SEL1L3: variants seen among roughly 807,000 people sequenced by gnomAD.
SEL1L3 encodes protein sel-1 homolog 3.
In SEL1L3, 76 loss-of-function variants were observed where a neutral mutation model predicts 142.8. That is an observed-to-expected ratio of 0.53 (90% CI 0.44 to 0.64). The LOEUF (loss-of-function observed/expected upper bound fraction) is 0.64, where lower values mean the gene tolerates loss of function less well. SEL1L3 is among the 30% of genes least tolerant of loss of function. The pLI is 0.00. For synonymous variants in SEL1L3, 504 were observed against 519.6 expected (o/e 0.97, Z 0.41); for missense variants, 1,262 against 1,381.7 (o/e 0.91, Z 1.37).
rs752108611 is a variant in SEL1L3, at chr4:25,748,396, C to T, written c.*29G>A. Reference sequence around the variant, plus strand: ...ATACCAGCTGTTGAAAAGATTCTCTCTCATCTGGAGAGAACTGGAGTGCAC... The same window carrying T: ...ATACCAGCTGTTGAAAAGATTCTCTTTCATCTGGAGAGAACTGGAGTGCAC... On this transcript the variant is annotated 3_prime_UTR_variant, in exon 24 of 24. Transcript: ENST00000399878. 1 of 1,585,008 alleles carries T rather than the reference C, an allele frequency of 6.3e-7. No homozygotes were observed. Among genetic ancestry groups the T allele is most frequent in the Non-Finnish European group, 8.6e-7 (1 of 1,164,756 alleles).
chr4:25,747,085 G>A (rs893073231), downstream of SEL1L3, among the ~76,000 whole-genome samples: 18 of 152,212 alleles, frequency 1.2e-4, no homozygotes, highest in African/African-American at 3.9e-4. Context: ...TTTGCAAATA[G>A]GAGGGACAAC....
chr4:25,861,961 AG>A (rs1450893440), intron 1 of SEL1L3: 1 of 152,260 alleles, frequency 6.6e-6, no homozygotes, highest in Non-Finnish European at 1.5e-5. Context: ...TGACTAAAAC[AG>A]AAGCCAAGAA....
chr4:25,856,372 C>T (rs770366457), intron 1 of SEL1L3, among the ~76,000 whole-genome samples: 1 of 152,064 alleles, frequency 6.6e-6, no homozygotes, highest in Non-Finnish European at 1.5e-5. Flanking sequence ...ATCTGTGCCC[C>T]TCAAATTATG....
At chr4:25,756,187 T>C (rs1157018735) in intron 23 of SEL1L3, 1 of 985,438 alleles carries the variant, frequency 1.0e-6, no homozygotes, top group Non-Finnish European at 1.2e-6. Flanking sequence ...ATCTACCCAT[T>C]TGTAAATGTC....
Position 25,758,967 on chromosome 4 carries a change from G to A in SEL1L3, c.3057C>T (p.Ile1019=), listed in dbSNP as rs781470034. ...EIDSTLHSNN[I]SILQELYERC... ...TTTCGTACAGTTCCTGGAGAATGGAGATGTTATTAGAATGGAGAGTTGAGT... is the reference window on the plus strand; with the variant it reads ...TTTCGTACAGTTCCTGGAGAATGGAAATGTTATTAGAATGGAGAGTTGAGT... Residue 1019 remains isoleucine (I), a synonymous_variant, in exon 21 of 24, where the codon ATC becomes ATT. Transcript: ENST00000399878. 1.4e-5 allele frequency: 22 copies of A among 1,613,750 alleles called. No homozygotes were observed. The highest frequency in any genetic ancestry group is 1.7e-5 in the Non-Finnish European group (20 of 1,179,804).
chr4:25,862,578 C>T, intron 1 of SEL1L3, 97 bp downstream of exon 1: 2 of 554,320 alleles, frequency 3.6e-6, no homozygotes, highest in Non-Finnish European at 5.2e-6. Flanking sequence ...CTAGCAGCGG[C>T]GTCCCCGCCC....
At chr4:25,802,223 A>G in intron 11 of SEL1L3, 60 bp downstream of exon 11, 2 of 1,480,752 alleles carry the variant, frequency 1.4e-6, no homozygotes, top group South Asian at 1.3e-5. Flanking sequence ...AGGGGCAGAC[A>G]CTTCATGAAA....
the SEL1L3 span, chr4:25,718,562 T>C: frequency 6.6e-6 from 1 of 152,172 alleles, no homozygotes; most frequent in Non-Finnish European, 1.5e-5. Flanking sequence ...TAATAACAAG[T>C]GCTATGTGGC....
intron 11 of SEL1L3, among the ~76,000 whole-genome samples, chr4:25,795,739 G>A (rs1041126522): frequency 3.3e-5 from 5 of 152,202 alleles, no homozygotes; most frequent in African/African-American, 1.2e-4. Context: ...TAGTTCTGGG[G>A]TCACTACAAT....
intron 20 of SEL1L3, among the ~76,000 whole-genome samples, chr4:25,764,036 A>G (rs1033190083): frequency 1.3e-5 from 2 of 152,240 alleles, no homozygotes; most frequent in Non-Finnish European, 2.9e-5. Context: ...TAGCAAATGT[A>G]GAAGGAATAA....
chr4:25,745,910 T>C (rs574838786), downstream of SEL1L3, among the ~76,000 whole-genome samples: 1 of 152,356 alleles, frequency 6.6e-6, no homozygotes, highest in Non-Finnish European at 1.5e-5. Context: ...GTGTTTGCCA[T>C]GGAGAGAGGA....
chr4:25,818,137 C>T lies in SEL1L3; in HGVS notation c.1564+1G>A, dbSNP rs776892573. Reference sequence around the variant, plus strand: ...TAAAGCCGAGGCAAAGACTCAATTACCGGTCAGCAGATCCATCTCCAGCAA... The same window carrying T: ...TAAAGCCGAGGCAAAGACTCAATTATCGGTCAGCAGATCCATCTCCAGCAA... On this transcript the variant is annotated splice_donor_variant, in intron 9 of 23. Coordinates refer to ENST00000399878, the MANE Select transcript of SEL1L3 (RefSeq NM_015187.5). LOFTEE classifies it high-confidence loss of function. 6.2e-6 allele frequency: 10 copies of T among 1,610,882 alleles called. No homozygotes were observed. The highest frequency in any genetic ancestry group is 1.3e-5 in the African/African-American group (1 of 74,988).
At chr4:25,793,025 A>C (rs1326713559) in intron 11 of SEL1L3, among the ~76,000 whole-genome samples, 1 of 152,196 alleles carries the variant, frequency 6.6e-6, no homozygotes, top group Non-Finnish European at 1.5e-5. Context: ...GCACTGTCCT[A>C]ATTGTTTTGC....
intron 15 of SEL1L3, 84 bp from the exon 16 acceptor site, chr4:25,779,287 G>GTAATC: frequency 9.5e-6 from 14 of 1,480,894 alleles, no homozygotes; most frequent in Non-Finnish European, 1.3e-5. Context: ...CTTTAAGCCT[G>GTAATC]ATATGATTAC....
chr4:25,837,182 G>T (rs1237066791), intron 2 of SEL1L3, among the ~76,000 whole-genome samples: 1 of 147,176 alleles, frequency 6.8e-6, no homozygotes, highest in African/African-American at 2.7e-5. Flanking sequence ...GTTTTCTTTG[G>T]AATCTGAAGG....
chr4:25,769,547 C>G (rs951272321), intron 17 of SEL1L3, among the ~76,000 whole-genome samples: 3 of 152,192 alleles, frequency 2.0e-5, no homozygotes, highest in Non-Finnish European at 4.4e-5. Context: ...CTATGTTTGG[C>G]TACAAGAATC....
intron 16 of SEL1L3, among the ~76,000 whole-genome samples, chr4:25,776,985 T>C (rs2109159304): frequency 6.6e-6 from 1 of 152,008 alleles, no homozygotes; most frequent in East Asian, 1.9e-4. Flanking sequence ...ACATTAAATG[T>C]AAATGGACAA....
chr4:25,811,508 C>T (rs548104422), intron 9 of SEL1L3, among the ~76,000 whole-genome samples: 56 of 152,300 alleles, frequency 3.7e-4, no homozygotes, highest in African/African-American at 1.1e-3. Flanking sequence ...GCTTGGCTAG[C>T]GCAAACCTTG....
the SEL1L3 span, among the ~76,000 whole-genome samples, chr4:25,724,797 A>G: frequency 2.0e-5 from 3 of 151,006 alleles, no homozygotes; most frequent in Non-Finnish European, 4.4e-5. Flanking sequence ...AGGAAAAAAG[A>G]AAGAAAAAGA....
Sources: gnomAD v4.1 joint callset for allele counts (sites outside exome capture counted in the v4.1 genomes callset) on GRCh38, gnomAD v4.1.1 for gene constraint, MANE v1.5 for transcripts, NCBI Gene and HGNC (gene_info 2026-07-23, HGNC 2026-07-21) for gene names.